PDCD1LG2: variants seen among roughly 807,000 people sequenced by gnomAD.
PDCD1LG2 encodes programmed cell death 1 ligand 2, also known as B7 dendritic cell molecule.
A neutral mutation model predicts 28.2 loss-of-function variants in PDCD1LG2; 32 were observed. That is an observed-to-expected ratio of 1.13 (90% CI 0.86 to 1.52). The LOEUF (loss-of-function observed/expected upper bound fraction) is 1.52. Ranked by LOEUF, PDCD1LG2 falls within the 40% of genes most tolerant of loss-of-function variation. PDCD1LG2 has a pLI of 0.00. For missense variants in PDCD1LG2, 385 were observed against 323.8 expected (o/e 1.19, Z -1.45); for synonymous variants, 116 against 120.2 (o/e 0.97, Z 0.23).
At chr9:5,523,554 G>C (rs1820317123) in intron 2 of PDCD1LG2, among the ~76,000 whole-genome samples, 1 of 152,140 alleles carries the variant, frequency 6.6e-6, no homozygotes, top group Non-Finnish European at 1.5e-5. Context: ...CATGCACTTG[G>C]GGCCCTCCTC....
At chr9:5,511,494 A>C (rs1298504052) in intron 1 of PDCD1LG2, among the ~76,000 whole-genome samples, 1 of 152,242 alleles carries the variant, frequency 6.6e-6, no homozygotes, top group East Asian at 1.9e-4. Flanking sequence ...TGGAGAGGCT[A>C]AGCCTGAGTG....
intron 5 of PDCD1LG2, among the ~76,000 whole-genome samples, chr9:5,561,408 G>A (rs1816560477): frequency 6.6e-6 from 1 of 152,164 alleles, no homozygotes; most frequent in Non-Finnish European, 1.5e-5. Flanking sequence ...AGAAAGTGAG[G>A]CTCAGAAAAG....
chr9:5,549,267 C>T (rs1370478029), intron 3 of PDCD1LG2, 68 bp from the exon 4 acceptor site: 1 of 1,413,864 alleles, frequency 7.1e-7, no homozygotes, highest in Non-Finnish European at 9.6e-7. Context: ...TTTCACATGG[C>T]ATGAAGTACC....
rs533370338 is a variant in PDCD1LG2, at chr9:5,569,049, C to T, written c.817-905C>T. ...AGGCAGGAAGGTGTGGGAAAGTGCACGTGACCCCGTTCAGAGAGAAAGCCA... is the reference window on the plus strand; with the variant it reads ...AGGCAGGAAGGTGTGGGAAAGTGCATGTGACCCCGTTCAGAGAGAAAGCCA... On this transcript the variant is annotated intron_variant, in intron 6 of 6. Transcript: ENST00000397747. This position sits in a 1 kb window ranked among gnomAD's most constrained non-coding sequence, Gnocchi z 4.1. 1.6e-4 allele frequency among the ~76,000 whole-genome samples: 25 copies of T among 152,228 alleles called. No homozygotes were observed. The highest frequency in any genetic ancestry group is 4.3e-4 in the African/African-American group (18 of 41,522).
At chr9:5,512,820 C>A (rs1017856499) in intron 1 of PDCD1LG2, among the ~76,000 whole-genome samples, 5 of 152,192 alleles carry the variant, frequency 3.3e-5, no homozygotes, top group African/African-American at 1.2e-4. Context: ...CTTCCTCCCC[C>A]ATGGCTCCAA....
intron 3 of PDCD1LG2, among the ~76,000 whole-genome samples, chr9:5,543,383 C>T (rs1820726199): frequency 6.6e-6 from 1 of 151,920 alleles, no homozygotes; most frequent in Admixed American, 6.6e-5. Flanking sequence ...ACTAAAAATA[C>T]AAAAAATTAG....
At chr9:5,564,123 A>G (rs1230626235) in intron 6 of PDCD1LG2, among the ~76,000 whole-genome samples, 1 of 152,222 alleles carries the variant, frequency 6.6e-6, no homozygotes, top group East Asian at 1.9e-4. Context: ...TCATTCCTGC[A>G]TGAGCCTTTA....
chr9:5,518,262 G>C (rs573516406), intron 1 of PDCD1LG2, among the ~76,000 whole-genome samples: 1 of 152,364 alleles, frequency 6.6e-6, no homozygotes, highest in East Asian at 1.9e-4. Context: ...ATTTTCCCCA[G>C]AGGAGGATTA....
At chr9:5,518,450 G>T (rs1221917708) in intron 1 of PDCD1LG2, among the ~76,000 whole-genome samples, 3 of 152,242 alleles carry the variant, frequency 2.0e-5, no homozygotes, top group African/African-American at 2.4e-5. Flanking sequence ...GTTACATGCT[G>T]TCCTTTCATG....
intron 6 of PDCD1LG2, among the ~76,000 whole-genome samples, chr9:5,567,964 C>T (rs1371789476): frequency 2.6e-5 from 4 of 152,156 alleles, no homozygotes; most frequent in East Asian, 1.9e-4. Flanking sequence ...ATGAGTATCC[C>T]GACTTCCTTC....
intron 3 of PDCD1LG2, among the ~76,000 whole-genome samples, chr9:5,548,392 A>G (rs548084085): frequency 2.6e-5 from 4 of 152,190 alleles, no homozygotes; most frequent in African/African-American, 9.6e-5. Context: ...TTCTTTATTC[A>G]TTCTCTGTTG....
intron 6 of PDCD1LG2, among the ~76,000 whole-genome samples, chr9:5,563,577 C>G (rs1438162763): frequency 6.6e-6 from 1 of 152,114 alleles, no homozygotes. Context: ...GGCTCTGAGT[C>G]AAGAGTAATA....
intron 2 of PDCD1LG2, among the ~76,000 whole-genome samples, chr9:5,529,474 C>A (rs1305933985): frequency 6.6e-6 from 1 of 152,194 alleles, no homozygotes; most frequent in Non-Finnish European, 1.5e-5. Flanking sequence ...TTATGTGGGT[C>A]TATTTCTGGA....
intron 2 of PDCD1LG2, among the ~76,000 whole-genome samples, chr9:5,526,079 A>G (rs922723051): frequency 1.3e-5 from 2 of 151,086 alleles, no homozygotes; most frequent in Non-Finnish European, 3.0e-5. Context: ...GAAGAGACTG[A>G]TAAGCCCGAT....
chr9:5,537,577 T>C (rs910124814), intron 3 of PDCD1LG2, among the ~76,000 whole-genome samples: 2 of 152,196 alleles, frequency 1.3e-5, no homozygotes, highest in African/African-American at 4.8e-5. Flanking sequence ...ATGTCCTTCG[T>C]AGGGACATGG....
chr9:5,557,530 G>A (rs1586818346), intron 4 of PDCD1LG2, 88 bp from the exon 5 acceptor site: 2 of 1,462,390 alleles, frequency 1.4e-6, no homozygotes, highest in Non-Finnish European at 1.9e-6. Flanking sequence ...AGCTAGCCGT[G>A]TTGGCTGTCA....
In PDCD1LG2 at chr9:5,553,068, T is replaced by C. The variant is rs79125457; in HGVS notation, c.631+3464T>C. Among the ~76,000 whole-genome samples, 600 of 152,008 alleles carry C rather than the reference T, an allele frequency of 3.9e-3. 4 individuals carry two copies. The highest frequency in any genetic ancestry group is 0.013 in the African/African-American group (556 of 41,458). On this transcript the variant is annotated intron_variant, in intron 4 of 6. Coordinates refer to ENST00000397747, the MANE Select transcript of PDCD1LG2 (RefSeq NM_025239.4). ...GTTACAGTGAGCTACAATTGTGCCA[T>C]TGTACTCCACTCCAGCCTGGGCAAC... is the stretch of plus-strand genomic sequence containing the variant.
At chr9:5,563,044 T>G in intron 5 of PDCD1LG2, 118 bp from the exon 6 acceptor site, 1 of 836,272 alleles carries the variant, frequency 1.2e-6, no homozygotes, top group Non-Finnish European at 1.9e-6. Flanking sequence ...ACAGTGAACA[T>G]TTGGGCTTCG....
At chr9:5,530,785 A>G (rs1182355149) in intron 2 of PDCD1LG2, among the ~76,000 whole-genome samples, 2 of 152,210 alleles carry the variant, frequency 1.3e-5, no homozygotes, top group South Asian at 2.1e-4. Flanking sequence ...CTATTACGCT[A>G]CTTCCCAGTG....
Sources: allele counts gnomAD v4.1 joint callset (sites outside exome capture counted in the v4.1 genomes callset), GRCh38; gene constraint gnomAD v4.1.1; non-coding constraint Gnocchi (gnomAD v3.1); transcripts MANE v1.5; gene names NCBI Gene and HGNC (gene_info 2026-07-23, HGNC 2026-07-21).